Variants in PRKD3 observed in about 807,000 individuals in gnomAD.
PRKD3 encodes the protein protein kinase D3, also known as serine/threonine-protein kinase D3.
A neutral mutation model predicts 99.2 loss-of-function variants in PRKD3; 47 were observed. The observed-to-expected ratio is 0.47, with a 90% confidence interval of 0.38 to 0.60. The LOEUF (loss-of-function observed/expected upper bound fraction) is 0.60, where lower values mean the gene tolerates loss of function less well. PRKD3 is among the 20% of genes least tolerant of loss of function. The pLI, the probability that PRKD3 is intolerant of heterozygous loss-of-function variation, is 0.00. For missense variants in PRKD3, 1,019 were observed against 1,088.4 expected (o/e 0.94, Z 0.90); for synonymous variants, 392 against 355.4 (o/e 1.10, Z -1.16).
At chr2:37,317,906 G>C (rs1671731525) in intron 1 of PRKD3, 1 of 151,182 alleles carries the variant, frequency 6.6e-6, no homozygotes, top group Non-Finnish European at 1.5e-5. Context: ...ATTTCTAACA[G>C]TAAGAAAGAG....
intron 2 of PRKD3, among the ~76,000 whole-genome samples, chr2:37,312,112 T>A (rs1042091049): frequency 6.6e-6 from 1 of 152,224 alleles, no homozygotes; most frequent in Non-Finnish European, 1.5e-5. Flanking sequence ...TGCCTATAAT[T>A]TTTAAAAAAG....
intron 8 of PRKD3, chr2:37,278,192 T>C: frequency 3.3e-6 from 1 of 304,012 alleles, no homozygotes; most frequent in Non-Finnish European, 6.0e-6. Context: ...TTAAATCCTA[T>C]TTACTTGTCA....
chr2:37,273,756 G>A (rs1273334037), intron 11 of PRKD3, among the ~76,000 whole-genome samples: 1 of 152,204 alleles, frequency 6.6e-6, no homozygotes, highest in Non-Finnish European at 1.5e-5. Context: ...TCAAATGAAT[G>A]ACTTATGTGT....
chr2:37,274,655 C>T lies in PRKD3; in HGVS notation c.1417G>A (p.Asp473Asn). Residue 473 changes from aspartate to asparagine, a missense_variant, in exon 11 of 19, where the codon GAT (aspartate) becomes AAT (asparagine). Physicochemically the swap from Asp to Asn is conservative, Grantham distance 23. Transcript: ENST00000234179. ...CTGCCTTGTGAAATGTTTGTGAAATCTCGTGGTGAAGATATGCGGAGAATT... is the reference window on the plus strand; with the variant it reads ...CTGCCTTGTGAAATGTTTGTGAAATTTCGTGGTGAAGATATGCGGAGAATT... ...SEILRISSPR[D>N]FTNISQGSNP... The T allele has an allele frequency of 6.2e-7, 1 of 1,614,000 alleles. No individual in the cohort carries two copies.
intron 4 of PRKD3, among the ~76,000 whole-genome samples, chr2:37,290,294 T>G (rs62135044): frequency 1.8e-3 from 269 of 152,258 alleles, no homozygotes; most frequent in Non-Finnish European, 3.1e-3. Flanking sequence ...AATGGTGCAA[T>G]CTCGGCTCCC....
intron 5 of PRKD3, among the ~76,000 whole-genome samples, chr2:37,289,145 T>C (rs545973480): frequency 8.1e-4 from 123 of 151,580 alleles, no homozygotes; most frequent in South Asian, 2.5e-3. Flanking sequence ...GCTAAAGCAG[T>C]GGTACAAGCC....
chr2:37,310,228 C>T (rs536042921), intron 2 of PRKD3, among the ~76,000 whole-genome samples: 3 of 152,264 alleles, frequency 2.0e-5, no homozygotes, highest in South Asian at 2.1e-4. Flanking sequence ...AGAGGGACCT[C>T]GAAGTGTAAT....
chr2:37,320,519 C>A (rs1387815564), intron 1 of PRKD3, among the ~76,000 whole-genome samples: 1 of 150,256 alleles, frequency 6.7e-6, no homozygotes, highest in African/African-American at 2.5e-5. Context: ...GCAGCCTCCG[C>A]CTCCCGGGTT....
chr2:37,260,594 G>A lies in PRKD3; in HGVS notation c.1885-210C>T, dbSNP rs575212102. On this transcript the variant is annotated intron_variant, in intron 14 of 18. Transcript: ENST00000234179. ...GGAGAGTAGCCGCACTGAGGGGATA[G>A]AATGTTCTCCTAATTTGATTATATA... Among the ~76,000 whole-genome samples, 48 of 152,294 alleles carry A rather than the reference G, an allele frequency of 3.2e-4. 1 individual carries two copies. The highest frequency in any genetic ancestry group is 1.1e-3 in the African/African-American group (45 of 41,574).
chr2:37,324,087 G>A (rs1321517276), intron 1 of PRKD3: 2 of 780,722 alleles, frequency 2.6e-6, no homozygotes, highest in African/African-American at 1.9e-5. Context: ...TTCAGCTTAA[G>A]GAAAACCTCC....
chr2:37,292,239 A>G lies in PRKD3; in HGVS notation c.427+894T>C, dbSNP rs542407981. Among the ~76,000 whole-genome samples the G allele has an allele frequency of 4.1e-4, 63 of 152,234 alleles. 1 individual carries two copies. Among genetic ancestry groups the G allele is most frequent in the Non-Finnish European group, 7.4e-5 (5 of 68,008 alleles). On this transcript the variant is annotated intron_variant, in intron 3 of 18. Coordinates refer to ENST00000234179, the MANE Select transcript of PRKD3 (RefSeq NM_005813.6). Reference sequence around the variant, plus strand: ...GGGGAAAAAACAGAATTTCAGTGTAACTGTTTTATTTCTTTGACTCAGAGA... The same window carrying G: ...GGGGAAAAAACAGAATTTCAGTGTAGCTGTTTTATTTCTTTGACTCAGAGA...
rs1382912457 is a variant in PRKD3 at position 37,252,146 on chromosome 2, A to G, written c.*1031T>C. 1.3e-5 allele frequency: 2 copies of G among 152,190 alleles called. No homozygotes were observed. The highest frequency in any genetic ancestry group is 1.5e-5 in the Non-Finnish European group (1 of 68,042). 9.4% of individuals were successfully genotyped at this position (152,190 alleles called of 1,614,324 possible). A position where few individuals can be genotyped will look rare whatever the true frequency, so the allele number is the denominator to read the frequency against. ...ACTGCTTAAAATAATTGACTTTAAA[A>G]CACTCCAGATATCTGCAAAGCCCAA... On this transcript the variant is annotated 3_prime_UTR_variant, in exon 19 of 19. Coordinates refer to ENST00000234179, the MANE Select transcript of PRKD3 (RefSeq NM_005813.6).
chr2:37,321,023 A>G (rs1671863614), intron 1 of PRKD3, among the ~76,000 whole-genome samples: 1 of 152,228 alleles, frequency 6.6e-6, no homozygotes, highest in African/African-American at 2.4e-5. Flanking sequence ...TGTTGGGTGA[A>G]AAATATTAAA....
In PRKD3 at chr2:37,311,595, A is replaced by G. The variant is rs114039337; in HGVS notation, c.288+4642T>C. On this transcript the variant is annotated intron_variant, in intron 2 of 18. Coordinates refer to ENST00000234179, the MANE Select transcript of PRKD3 (RefSeq NM_005813.6). ...ACTGAAAATCTACCTAGAATTTGCA[A>G]TTATCACATTAACCTATAATCAGCT... 2.8e-3 allele frequency among the ~76,000 whole-genome samples: 434 copies of G among 152,338 alleles called. 2 individuals are homozygous for G. Among genetic ancestry groups the G allele is most frequent in the African/African-American group, 6.4e-3 (265 of 41,576 alleles).
intron 3 of PRKD3, chr2:37,292,863 T>C (rs1441587443): frequency 4.1e-6 from 1 of 242,410 alleles, no homozygotes; most frequent in Non-Finnish European, 8.0e-6. Context: ...CTCAGGCTGG[T>C]CTCAAACTCC....
chr2:37,318,595 CA>C (rs1671758657), intron 1 of PRKD3, among the ~76,000 whole-genome samples: 1 of 152,184 alleles, frequency 6.6e-6, no homozygotes, highest in Non-Finnish European at 1.5e-5. Context: ...CACAGAAAGA[CA>C]GACTGCTCAA....
At chr2:37,290,002 C>T (rs760722508) in intron 4 of PRKD3, among the ~76,000 whole-genome samples, 7 of 152,150 alleles carry the variant, frequency 4.6e-5, no homozygotes, top group Admixed American at 2.6e-4. Flanking sequence ...CATATCTATT[C>T]GTTTACATAT....
intron 14 of PRKD3, among the ~76,000 whole-genome samples, chr2:37,261,891 T>C (rs527696867): frequency 3.5e-4 from 54 of 152,344 alleles, no homozygotes; most frequent in Non-Finnish European, 6.8e-4. Flanking sequence ...AAAACGTATT[T>C]TGAATACCTG....
In PRKD3 at chr2:37,316,602, T is replaced by G. The variant is rs1443258615; in HGVS notation, c.-78A>C. On this transcript the variant is annotated 5_prime_UTR_variant, in exon 2 of 19. Coordinates refer to ENST00000234179, the MANE Select transcript of PRKD3 (RefSeq NM_005813.6). Reference sequence around the variant, plus strand: ...GAAGAGGTTTTTAAAATAACAGCAGTAAAGAAAATGACCGCACTTTTGGAT... The same window carrying G: ...GAAGAGGTTTTTAAAATAACAGCAGGAAAGAAAATGACCGCACTTTTGGAT... 3 of 1,525,132 alleles carry G rather than the reference T, an allele frequency of 2.0e-6. No individual in the cohort carries two copies. The highest frequency in any genetic ancestry group is 2.6e-6 in the Non-Finnish European group (3 of 1,141,582). 94.5% of individuals were successfully genotyped at this position (1,525,132 alleles called of 1,614,324 possible).
Sources: gnomAD v4.1 joint callset for allele counts (sites outside exome capture counted in the v4.1 genomes callset) on GRCh38, gnomAD v4.1.1 for gene constraint, MANE v1.5 for transcripts, NCBI Gene and HGNC (gene_info 2026-07-23, HGNC 2026-07-21) for gene names.